Variants in CLN3 observed in about 807,000 individuals in gnomAD.
CLN3 encodes battenin.
Under a neutral mutation model 60.7 loss-of-function variants are expected in CLN3, and 49 were observed. That is an observed-to-expected ratio of 0.81 (90% CI 0.64 to 1.02). The LOEUF is 1.02. CLN3 is among the 50% of genes least tolerant of loss of function. The probability of loss-of-function intolerance (pLI) is 0.00; values close to 1 mark genes in which losing one functional copy is unlikely to be tolerated. For synonymous variants in CLN3, 256 were observed against 245.8 expected (o/e 1.04, Z -0.39); for missense variants, 516 against 557.4 (o/e 0.93, Z 0.75).
intron 7 of CLN3, chr16:28,487,112 T>C (rs1179283284): frequency 7.5e-6 from 3 of 400,394 alleles, no homozygotes; most frequent in African/African-American, 4.1e-5. Context: ...GGTTTCTCCA[T>C]GTTGGCCAGG....
chr16:28,477,310 G>T lies in CLN3; in HGVS notation c.*206C>A. On this transcript the variant is annotated 3_prime_UTR_variant, in exon 16 of 16. Transcript: ENST00000636147. The stretch of plus-strand genomic sequence containing the variant: ...GATAAAATCGGCATTTATTCAGAAG[G>T]CATGATGCCAGGAAGAAACTCCCCA... 1.6e-6 allele frequency: 1 copy of T among 637,760 alleles called. No individual in the cohort carries two copies. The highest frequency in any genetic ancestry group is 2.7e-5 in the Admixed American group (1 of 37,160). The allele number at this position is 637,760 out of a possible 1,614,324, so 39.5% of individuals were successfully genotyped here. A position where few individuals can be genotyped will look rare whatever the true frequency, so the allele number is the denominator to read the frequency against.
At chr16:28,488,692 T>C in intron 4 of CLN3, 30 bp from the exon 5 acceptor site, 1 of 1,607,092 alleles carries the variant, frequency 6.2e-7, no homozygotes, top group Non-Finnish European at 8.5e-7. Flanking sequence ...TCTTTCACCC[T>C]GGAGGCAGAG....
rs949263069 is a variant in CLN3 at position 28,489,491 on chromosome 16, T to C, written c.126-105A>G. ...TGTGCCCTTCAATCAGCCCCCTCTT[T>C]TTTTTCCCTCTATCACCAGATCCCA... On this transcript the variant is annotated intron_variant, in intron 3 of 15. Transcript: ENST00000636147. 16 of 799,480 alleles carry C rather than the reference T, an allele frequency of 2.0e-5. 1 individual carries two copies. 49.5% of individuals were successfully genotyped at this position (799,480 alleles called of 1,614,324 possible). A position where few individuals can be genotyped will look rare whatever the true frequency, so the allele number is the denominator to read the frequency against.
rs750043205 is a variant in CLN3 at position 28,477,645 on chromosome 16, C to A, written c.1198-10G>T. 6.2e-7 allele frequency: 1 copy of A among 1,613,970 alleles called. No homozygotes were observed. Among genetic ancestry groups the A allele is most frequent in the Non-Finnish European group, 8.5e-7 (1 of 1,180,024 alleles). ...GGTGCTCATCACTGGTCTGGGAGGG[C>A]AGAGAGCAGGGGTGAGGCTTCAGTC... On this transcript the variant is annotated splice_polypyrimidine_tract_variant and intron_variant, in intron 15 of 15. Transcript: ENST00000636147.
chr16:28,471,875 T>A (rs1466720444), downstream of CLN3, among the ~76,000 whole-genome samples: 1 of 152,064 alleles, frequency 6.6e-6, no homozygotes, highest in Non-Finnish European at 1.5e-5. Context: ...CTCAGGGATG[T>A]CCAAGGAATC....
Position 28,486,329 on chromosome 16 carries a change from C to T in CLN3, c.677+18G>A, listed in dbSNP as rs200503055. ...TCTCTCCTTGGACCCCTCTCCCTCC[C>T]GGCTCAGGGCAGCTCACCTGGCCAG... On this transcript the variant is annotated intron_variant, in intron 9 of 15. Coordinates refer to ENST00000636147, the MANE Select transcript of CLN3 (RefSeq NM_001042432.2). 7.4e-5 allele frequency: 120 copies of T among 1,611,584 alleles called. 3 individuals carry two copies. In the South Asian group the frequency reaches 7.5e-4, roughly 10 times the overall value.
rs1179716299 is a variant in CLN3, at chr16:28,488,326, T to TA, written c.294+264_294+265insT. 5.5e-4 allele frequency: 103 copies of TA among 186,888 alleles called. No individual in the cohort carries two copies. The Middle Eastern group carries it at 6.8e-3, about 12-fold the overall frequency. The allele number at this position is 186,888 out of a possible 1,614,324, so 11.6% of individuals were successfully genotyped here. On this transcript the variant is annotated intron_variant, in intron 5 of 15. Coordinates refer to ENST00000636147, the MANE Select transcript of CLN3 (RefSeq NM_001042432.2). Reference sequence around the variant, plus strand: ...AAATTATATTAAGGTCTCAATTATTTTATATATATATATTTTTTAATTTTT... The same window carrying TA: ...AAATTATATTAAGGTCTCAATTATTTATATATATATATATTTTTTAATTTTT...
rs150174473 is a variant in CLN3, at chr16:28,482,186, C to T, written c.975G>A (p.Leu325=). The T allele has an allele frequency of 8.1e-5, 131 of 1,613,260 alleles. No homozygotes were observed. Among genetic ancestry groups the T allele is most frequent in the Non-Finnish European group, 9.7e-5 (115 of 1,179,742 alleles). The change falls in exon 14 of 16, where the codon CTG becomes CTA. Residue 325 remains leucine, a synonymous_variant. Transcript: ENST00000636147. ...GGGAGGCAAAGACGCCAGCCTGGTA[C>T]AGCATCTGGTACCTGAGGTTAGGGT... ...HAQQYRWYQM[L]YQAGVFASRS...
rs386833707 is a variant in CLN3 at position 28,477,560 on chromosome 16, GC to G, written c.1272del (p.Leu425SerfsTer87). Reference protein sequence around the residue: ...ISDTLGISLSGLLALPLHDFL... With the variant: ...ISDTLGISLSXLLALPLHDFL... Reference sequence around the variant, plus strand: ...AAGTCATGCAGAGGCAAAGCCAGGAGCCCCGACAGGGAGATCCCCAGTGTGT... The same window carrying G: ...AAGTCATGCAGAGGCAAAGCCAGGAGCCCGACAGGGAGATCCCCAGTGTGT... On this transcript the variant is annotated frameshift_variant, in exon 16 of 16. Coordinates refer to ENST00000636147, the MANE Select transcript of CLN3 (RefSeq NM_001042432.2). LOFTEE classifies it high-confidence loss of function. 1 of 1,614,054 alleles carries G rather than the reference GC, an allele frequency of 6.2e-7. No homozygotes were observed. The highest frequency in any genetic ancestry group is 2.2e-5 in the East Asian group (1 of 44,878).
downstream of CLN3, among the ~76,000 whole-genome samples, chr16:28,474,816 T>C (rs1295278519): frequency 2.6e-5 from 4 of 152,102 alleles, no homozygotes; most frequent in Non-Finnish European, 4.4e-5. Context: ...AAATAAAATA[T>C]TGTGGCTGGG....
At chr16:28,485,571 C>CA (rs67148714) in intron 9 of CLN3, among the ~76,000 whole-genome samples, 6,972 of 11,754 alleles carry the variant, frequency 0.59, 2,952 homozygotes, top group Non-Finnish European at 0.74. Flanking sequence ...GACTCCGTCT[C>CA]AAAAAAAAAA....
the CLN3 span, among the ~76,000 whole-genome samples, chr16:28,468,178 GA>G: frequency 1.2e-5 from 1 of 85,716 alleles, no homozygotes; most frequent in Non-Finnish European, 2.3e-5. Context: ...ATTTTGAGTA[GA>G]AACAGGGTTT....
downstream of CLN3, chr16:28,475,622 T>C (rs186638610): frequency 6.6e-6 from 1 of 152,268 alleles, no homozygotes; most frequent in African/African-American, 2.4e-5. Context: ...CTGGTCGTAA[T>C]GGAGTAGTCT....
downstream of CLN3, chr16:28,475,821 C>T (rs552046108): frequency 1.1e-4 from 17 of 151,170 alleles, no homozygotes; most frequent in African/African-American, 4.1e-4. Context: ...CTGTTAGGTT[C>T]AGATATGGCA....
chr16:28,489,918 G>A (rs1047197832), intron 3 of CLN3, among the ~76,000 whole-genome samples: 22 of 152,128 alleles, frequency 1.4e-4, no homozygotes, highest in African/African-American at 4.3e-4. Flanking sequence ...TTAGCTGGGC[G>A]AAGTTGCACA....
At position 28,484,108 on chromosome 16, in the gene CLN3, A is replaced by T. The variant is rs746075287; in HGVS notation, c.688T>A (p.Leu230Met). 6.2e-7 allele frequency: 1 copy of T among 1,609,830 alleles called. No individual in the cohort carries two copies. ...PALLLASYFLLLTSPEAQDPG... is the reference protein window; with the variant it reads ...PALLLASYFLMLTSPEAQDPG... The stretch of plus-strand genomic sequence containing the variant: ...TCCTGGGCCTCAGGAGATGTGAGCA[A>T]CAAGAAATAGCTAGGAGTAGGATGA... The change falls in exon 10 of 16, where the codon TTG becomes ATG. Residue 230 changes from leucine to methionine, a missense_variant. Transcript: ENST00000636147.
chr16:28,472,440 T>G (rs566508064), downstream of CLN3, among the ~76,000 whole-genome samples: 10 of 152,276 alleles, frequency 6.6e-5, no homozygotes, highest in African/African-American at 2.4e-4. Context: ...GTCTACTATG[T>G]TAACTTTTTT....
At position 28,482,650 on chromosome 16, in the gene CLN3, A is replaced by T. The variant is rs1226393525; in HGVS notation, c.813T>A (p.Leu271=). Residue 271 remains leucine (L), a synonymous_variant, in exon 11 of 16, where the codon CTT becomes CTA. Coordinates refer to ENST00000636147, the MANE Select transcript of CLN3 (RefSeq NM_001042432.2). ...CCTTGAACACTGTCCACCTTTCCCG[A>T]AGGGAGAGGCTGGAGCTGGAGCCTG... is the stretch of plus-strand genomic sequence containing the variant. ...SKPGSSSSLS[L]RERWTVFKGL... 1 of 1,614,020 alleles carries T rather than the reference A, an allele frequency of 6.2e-7. No homozygotes were observed. The highest frequency in any genetic ancestry group is 8.5e-7 in the Non-Finnish European group (1 of 1,180,028).
chr16:28,489,795 A>G (rs986421769), intron 3 of CLN3, among the ~76,000 whole-genome samples: 2 of 152,044 alleles, frequency 1.3e-5, no homozygotes, highest in Non-Finnish European at 2.9e-5. Flanking sequence ...AGTGGCTCAC[A>G]CCTGTAATTC....
Sources: allele counts gnomAD v4.1 joint callset (sites outside exome capture counted in the v4.1 genomes callset), GRCh38; gene constraint gnomAD v4.1.1; transcripts MANE v1.5; gene names NCBI Gene and HGNC (gene_info 2026-07-23, HGNC 2026-07-21).